DBF4B: variants seen among roughly 807,000 people sequenced by gnomAD.
The protein encoded by DBF4B is protein DBF4 homolog B.
In DBF4B, 49 loss-of-function variants were observed where a neutral mutation model predicts 53.4. The ratio of observed to expected loss-of-function variants is 0.92; its 90% CI spans 0.73 to 1.16. The LOEUF is 1.16. Among genes scored for constraint, DBF4B ranks in the 50% most tolerant of loss-of-function variants. The probability of loss-of-function intolerance (pLI) is 0.00; values close to 1 mark genes in which losing one functional copy is unlikely to be tolerated. For missense variants in DBF4B, 692 were observed against 775.0 expected, an observed-to-expected ratio of 0.89 and a Z score of 1.27; for synonymous variants, 257 against 288.7, an observed-to-expected ratio of 0.89 and a Z score of 1.11.
Position 44,723,017 on chromosome 17 carries a change from G to C in DBF4B, c.220G>C (p.Gly74Arg). 6.2e-7 allele frequency: 1 copy of C among 1,613,978 alleles called. No individual in the cohort carries two copies. The change falls in exon 3 of 14, where the codon GGT becomes CGT. Residue 74 changes from glycine (G) to arginine (R), a missense_variant. Gly to Arg is a moderately radical substitution (Grantham distance 125, BLOSUM62 -2). Transcript: ENST00000315005. ...QFLTGAIQQLGGVIEGFLSKE... is the reference protein window; with the variant it reads ...QFLTGAIQQLRGVIEGFLSKE... ...TTTGACGGGGGCCATTCAGCAACTG[G>C]GTGGGGTAGGTAACCTGCTCTTCTC...
Position 44,751,890 on chromosome 17 carries a change from G to T in DBF4B, c.*637G>T. ...AGCCCCTCAGTGGCCTGGTTCTCCT[G>T]TCCCCCTGCCCTTCCTCACCATTGC... On this transcript the variant is annotated 3_prime_UTR_variant, in exon 14 of 14. Coordinates refer to ENST00000315005, the MANE Select transcript of DBF4B (RefSeq NM_145663.3). The T allele has an allele frequency of 6.5e-7, 1 of 1,536,120 alleles. No individual in the cohort carries two copies. Among genetic ancestry groups the T allele is most frequent in the Non-Finnish European group, 8.7e-7 (1 of 1,146,886 alleles).
At position 44,749,652 on chromosome 17, in the gene DBF4B, A is replaced by T; in HGVS notation, c.1190-943A>T. On this transcript the variant is annotated intron_variant, in intron 13 of 13. Coordinates refer to ENST00000315005, the MANE Select transcript of DBF4B (RefSeq NM_145663.3). This position sits in a 1 kb window ranked among gnomAD's most constrained non-coding sequence, Gnocchi z 4.4. The stretch of plus-strand genomic sequence containing the variant: ...GGCAGAGTCTACAGTGGGCTTGCCC[A>T]GCTGAGGCTGGCCGCCCACGCCAGG... 1 of 1,169,708 alleles carries T rather than the reference A, an allele frequency of 8.5e-7. No individual in the cohort carries two copies. The highest frequency in any genetic ancestry group is 1.7e-5 in the South Asian group (1 of 59,128). 72.5% of individuals were successfully genotyped at this position (1,169,708 alleles called of 1,614,324 possible).
Position 44,708,818 on chromosome 17 carries a change from T to G in DBF4B, c.-3T>G. On this transcript the variant is annotated 5_prime_UTR_variant, in exon 1 of 14. The change creates a new upstream start codon in the 5' untranslated region. Coordinates refer to ENST00000315005, the MANE Select transcript of DBF4B (RefSeq NM_145663.3). ...ACGGAGGCCGAGAAGGAGCCGGCAT[T>G]TGATGAGCGAACCGGGAAAGGGTAC... The G allele has an allele frequency of 6.4e-7, 1 of 1,551,040 alleles. No individual in the cohort carries two copies. Among genetic ancestry groups the G allele is most frequent in the Non-Finnish European group, 8.7e-7 (1 of 1,146,790 alleles).
Position 44,748,344 on chromosome 17 carries a change from G to C in DBF4B, c.1068G>C (p.Trp356Cys). 1 of 1,595,092 alleles carries C rather than the reference G, an allele frequency of 6.3e-7. No individual in the cohort carries two copies. The highest frequency in any genetic ancestry group is 8.5e-7 in the Non-Finnish European group (1 of 1,170,434). ...DIPFQAGLPRWSGSPASDCDP... is the reference protein window; with the variant it reads ...DIPFQAGLPRCSGSPASDCDP... Reference sequence around the variant, plus strand: ...CACAGTGTTTCTGTCCCAACAGGTGGTCAGGTTCCCCAGCTTCTGATTGTG... The same window carrying C: ...CACAGTGTTTCTGTCCCAACAGGTGCTCAGGTTCCCCAGCTTCTGATTGTG... The change falls in exon 13 of 14, where the codon TGG becomes TGC. Residue 356 changes from tryptophan (W) to cysteine (C), a missense_variant. Trp to Cys is a radical substitution (Grantham distance 215). Transcript: ENST00000315005.
rs990223837 is a variant in DBF4B, at chr17:44,747,287, A to T, written c.939+96A>T. On this transcript the variant is annotated intron_variant, in intron 11 of 13. Transcript: ENST00000315005. The stretch of plus-strand genomic sequence containing the variant: ...CTTCCTATGCGATCTCTATGCTGCT[A>T]TGGCTGTCCTCCAGGGCCAGAGCAT... 80 of 1,592,952 alleles carry T rather than the reference A, an allele frequency of 5.0e-5. No homozygotes were observed. The highest frequency in any genetic ancestry group is 3.4e-6 in the Non-Finnish European group (4 of 1,165,860).
In DBF4B at chr17:44,726,289, C is replaced by CTTTT. The variant is rs1370895121; in HGVS notation, c.225+3270_225+3273dup. Reference sequence around the variant, plus strand: ...CAGGTGTGAGCCATCGCACCCGGCCCTTTTTTATTTATTTATTTATTTATT... The same window carrying CTTTT: ...CAGGTGTGAGCCATCGCACCCGGCCCTTTTTTTTTTATTTATTTATTTATTTATT... On this transcript the variant is annotated intron_variant, in intron 3 of 13. Coordinates refer to ENST00000315005, the MANE Select transcript of DBF4B (RefSeq NM_145663.3). 3.6e-3 allele frequency among the ~76,000 whole-genome samples: 192 copies of CTTTT among 53,530 alleles called. 2 individuals are homozygous for CTTTT. Among genetic ancestry groups the CTTTT allele is most frequent in the South Asian group, 0.021 (26 of 1,226 alleles). 35.1% of individuals were successfully genotyped at this position (53,530 alleles called of 152,430 possible). A position where few individuals can be genotyped will look rare whatever the true frequency, so the allele number is the denominator to read the frequency against.
chr17:44,712,407 C>T (rs190044474), intron 2 of DBF4B, among the ~76,000 whole-genome samples: 2,610 of 143,824 alleles, frequency 0.018, 33 homozygotes, highest in Middle Eastern at 0.034. Flanking sequence ...TGGGTTCAAG[C>T]GATTCTCCTG....
intron 10 of DBF4B, 112 bp downstream of exon 10, chr17:44,741,564 A>ACTG (rs1976032046): frequency 1.5e-6 from 1 of 676,564 alleles, no homozygotes; most frequent in African/African-American, 1.8e-5. Flanking sequence ...CCTTAGGCAA[A>ACTG]GTCTATTCTG....
intron 4 of DBF4B, 113 bp from the exon 5 acceptor site, chr17:44,730,852 G>C (rs976155562): frequency 9.3e-7 from 1 of 1,077,804 alleles, no homozygotes; most frequent in Non-Finnish European, 1.4e-6. Flanking sequence ...ACTGCTCCCA[G>C]CTTTCCGAGG....
intron 3 of DBF4B, among the ~76,000 whole-genome samples, chr17:44,729,203 CT>C (rs1046541119): frequency 6.7e-5 from 10 of 149,544 alleles, no homozygotes; most frequent in Middle Eastern, 3.5e-3. Flanking sequence ...CCATTTTAGC[CT>C]TTTTTTTTCT....
At chr17:44,723,847 A>G (rs1974061645) in intron 3 of DBF4B, among the ~76,000 whole-genome samples, 2 of 152,220 alleles carry the variant, frequency 1.3e-5, no homozygotes, top group South Asian at 4.1e-4. Context: ...ACAGTGGCTC[A>G]TGACTGTCCT....
intron 8 of DBF4B, among the ~76,000 whole-genome samples, chr17:44,737,360 A>G (rs1028066973): frequency 3.3e-5 from 5 of 152,158 alleles, no homozygotes; most frequent in African/African-American, 1.2e-4. Flanking sequence ...GCATTTATTC[A>G]TGCACAAGCA....
At chr17:44,715,720 T>A (rs747898354) in intron 2 of DBF4B, among the ~76,000 whole-genome samples, 4 of 151,652 alleles carry the variant, frequency 2.6e-5, no homozygotes, top group Non-Finnish European at 4.4e-5. Flanking sequence ...AATTGTACTG[T>A]TTTTGTTTCT....
chr17:44,733,999 C>T, intron 6 of DBF4B, 91 bp from the exon 7 acceptor site: 1 of 1,063,842 alleles, frequency 9.4e-7, no homozygotes, highest in Non-Finnish European at 1.5e-6. Flanking sequence ...TGGGCTGGCC[C>T]AGCGAGTTTA....
intron 1 of DBF4B, 192 bp downstream of exon 1, chr17:44,709,031 G>A (rs538406000): frequency 6.2e-5 from 50 of 807,454 alleles, no homozygotes; most frequent in Middle Eastern, 3.8e-4. Context: ...GAACGTAGGG[G>A]ACAACAGCCT....
chr17:44,724,972 C>T (rs1009324587), intron 3 of DBF4B, among the ~76,000 whole-genome samples: 5 of 152,048 alleles, frequency 3.3e-5, no homozygotes, highest in Non-Finnish European at 5.9e-5. Flanking sequence ...CAAAATTAGC[C>T]GGGTGTGGCG....
At chr17:44,748,705 A>C in intron 13 of DBF4B, 1 of 1,409,056 alleles carries the variant, frequency 7.1e-7, no homozygotes, top group Non-Finnish European at 9.4e-7. Flanking sequence ...CCACAAGCGG[A>C]AGGTTCAGTT....
intron 9 of DBF4B, among the ~76,000 whole-genome samples, chr17:44,740,604 C>A (rs1975910817): frequency 1.3e-5 from 2 of 152,180 alleles, no homozygotes; most frequent in South Asian, 4.1e-4. Flanking sequence ...CATTTAGAAT[C>A]TGCCAGGCTA....
At chr17:44,727,023 C>T (rs1047853109) in intron 3 of DBF4B, among the ~76,000 whole-genome samples, 8 of 144,022 alleles carry the variant, frequency 5.6e-5, no homozygotes, top group Non-Finnish European at 1.0e-4. Flanking sequence ...TGCTTGAAAC[C>T]GGGAGGTGGA....
Sources: gnomAD v4.1 joint callset for allele counts (sites outside exome capture counted in the v4.1 genomes callset) on GRCh38, gnomAD v4.1.1 for gene constraint, Gnocchi (gnomAD v3.1) non-coding constraint, MANE v1.5 for transcripts, NCBI Gene and HGNC (gene_info 2026-07-23, HGNC 2026-07-21) for gene names.